Variants in CTCF observed in about 807,000 individuals in gnomAD.
CTCF encodes CCCTC-binding factor.
In CTCF, 7 loss-of-function variants were observed where a neutral mutation model predicts 72.3. The observed-to-expected ratio is 0.10, with a 90% CI of 0.06 to 0.18. The LOEUF (loss-of-function observed/expected upper bound fraction) is 0.18, where lower values mean the gene tolerates loss of function less well. Ranked by LOEUF, CTCF falls within the 10% of genes least tolerant of loss-of-function variation. The pLI, the probability that CTCF is intolerant of heterozygous loss-of-function variation, is 1.00. For synonymous variants in CTCF, 374 were observed against 315.8 expected, an observed-to-expected ratio of 1.18 and a Z score of -1.95; for missense variants, 516 against 949.1, an observed-to-expected ratio of 0.54 and a Z score of 6.00.
chr16:67,609,779 C>T (rs781315513), intron 2 of CTCF, among the ~76,000 whole-genome samples: 2 of 152,000 alleles, frequency 1.3e-5, no homozygotes, highest in South Asian at 2.1e-4. Flanking sequence ...CCCACCACCA[C>T]GCCCGGCTAA....
At chr16:67,631,286 T>C (rs531973561) in intron 10 of CTCF, among the ~76,000 whole-genome samples, 18 of 151,900 alleles carry the variant, frequency 1.2e-4, no homozygotes, top group Non-Finnish European at 2.2e-4. Flanking sequence ...CTGCTCAGCT[T>C]CCCAGGTAGC....
chr16:67,636,623 G>C, intron 10 of CTCF, 67 bp from the exon 11 acceptor site: 1 of 1,038,846 alleles, frequency 9.6e-7, no homozygotes, highest in Non-Finnish European at 1.3e-6. Flanking sequence ...ATATATAATT[G>C]TTTTCTTTCA....
chr16:67,620,156 A>C (rs559729899), intron 5 of CTCF, among the ~76,000 whole-genome samples: 1 of 152,356 alleles, frequency 6.6e-6, no homozygotes, highest in African/African-American at 2.4e-5. Flanking sequence ...TAAAGATTGT[A>C]ATACATCCTC....
chr16:67,635,919 C>T (rs2052422618), intron 10 of CTCF, among the ~76,000 whole-genome samples: 1 of 152,170 alleles, frequency 6.6e-6, no homozygotes, highest in South Asian at 2.1e-4. Flanking sequence ...AACCACCGTG[C>T]CCAGCCTTAA....
At chr16:67,581,946 G>A (rs530440055) in intron 2 of CTCF, among the ~76,000 whole-genome samples, 75 of 152,172 alleles carry the variant, frequency 4.9e-4, no homozygotes, top group Admixed American at 1.2e-3. Flanking sequence ...TTTGTTGGCC[G>A]GGTGCAGTGG....
intron 5 of CTCF, among the ~76,000 whole-genome samples, chr16:67,619,784 A>G (rs1287617753): frequency 6.6e-6 from 1 of 152,134 alleles, no homozygotes; most frequent in Non-Finnish European, 1.5e-5. Context: ...GGGTTTTGCC[A>G]TGTTGCCCAG....
chr16:67,565,898 C>T (rs1446518086), intron 1 of CTCF, among the ~76,000 whole-genome samples: 8 of 152,188 alleles, frequency 5.3e-5, no homozygotes, highest in Admixed American at 5.2e-4. Flanking sequence ...TGACTTAAGG[C>T]CCTGGGGAGG....
intron 2 of CTCF, among the ~76,000 whole-genome samples, chr16:67,573,698 T>G (rs2051456574): frequency 6.6e-6 from 1 of 152,018 alleles, no homozygotes. Context: ...AAGCCCAGGT[T>G]TTTCCTTTGC....
intron 2 of CTCF, among the ~76,000 whole-genome samples, chr16:67,609,942 T>C (rs1221004151): frequency 6.6e-6 from 1 of 152,106 alleles, no homozygotes; most frequent in Non-Finnish European, 1.5e-5. Flanking sequence ...GATAATTCTT[T>C]GTGGTGGAGG....
At chr16:67,621,748 C>CTTTTTTTTTTTTT (rs34853932) in intron 7 of CTCF, among the ~76,000 whole-genome samples, 157 bp downstream of exon 7, 1 of 121,352 alleles carries the variant, frequency 8.2e-6, no homozygotes, top group African/African-American at 3.3e-5. Flanking sequence ...TGCTTAGCTG[C>CTTTTTTTTTTTTT]TTTTTTTTTT....
At chr16:67,615,496 T>A (rs2052120846) in intron 4 of CTCF, 1 of 152,244 alleles carries the variant, frequency 6.6e-6, no homozygotes, top group African/African-American at 2.4e-5. Context: ...AAGCCTGTAG[T>A]CTCAGCTACT....
chr16:67,629,580 C>G (rs2142870403), intron 10 of CTCF, 47 bp downstream of exon 10: 1 of 1,599,778 alleles, frequency 6.3e-7, no homozygotes, highest in Non-Finnish European at 8.5e-7. Context: ...GGCTTTGGAG[C>G]CCAGTTTCCA....
At chr16:67,586,988 T>C (rs920878835) in intron 2 of CTCF, among the ~76,000 whole-genome samples, 2 of 152,044 alleles carry the variant, frequency 1.3e-5, no homozygotes, top group Non-Finnish European at 2.9e-5. Flanking sequence ...AAAGACAAGG[T>C]TTTGCCATGT....
intron 2 of CTCF, among the ~76,000 whole-genome samples, chr16:67,583,774 C>A (rs985812648): frequency 6.6e-6 from 1 of 151,752 alleles, no homozygotes; most frequent in African/African-American, 2.4e-5. Flanking sequence ...CCTTGACTTT[C>A]GGGCAGCTTT....
intron 2 of CTCF, among the ~76,000 whole-genome samples, chr16:67,607,740 C>T (rs1192372449): frequency 6.6e-6 from 1 of 151,666 alleles, no homozygotes; most frequent in Non-Finnish European, 1.5e-5. Flanking sequence ...AAAACCGTGG[C>T]TGGGCGTGGT....
intron 2 of CTCF, among the ~76,000 whole-genome samples, chr16:67,593,881 C>T (rs536913386): frequency 2.6e-5 from 4 of 152,238 alleles, no homozygotes; most frequent in African/African-American, 9.6e-5. Flanking sequence ...AATAACCAGT[C>T]TACTTAACTG....
At chr16:67,582,550 G>A (rs967984140) in intron 2 of CTCF, among the ~76,000 whole-genome samples, 1 of 151,876 alleles carries the variant, frequency 6.6e-6, no homozygotes, top group Admixed American at 6.6e-5. Flanking sequence ...AAAATCAGCC[G>A]AATATGGTGG....
intron 2 of CTCF, among the ~76,000 whole-genome samples, chr16:67,607,386 ACCTCCAC>A (rs1266878446): frequency 6.6e-6 from 1 of 151,442 alleles, no homozygotes; most frequent in African/African-American, 2.4e-5. Flanking sequence ...GCTCGCTGCA[ACCTCCAC>A]CTCCAGGGTT....
At chr16:67,607,388 C>G (rs1431525186) in intron 2 of CTCF, among the ~76,000 whole-genome samples, 1 of 152,142 alleles carries the variant, frequency 6.6e-6, no homozygotes, top group Non-Finnish European at 1.5e-5. Flanking sequence ...TCGCTGCAAC[C>G]TCCACCTCCA....
Sources: allele counts gnomAD v4.1 joint callset (sites outside exome capture counted in the v4.1 genomes callset), GRCh38; gene constraint gnomAD v4.1.1; transcripts MANE v1.5; gene names NCBI Gene and HGNC (gene_info 2026-07-23, HGNC 2026-07-21).